The following LYSMD2 variants were observed in gnomAD, a reference collection of about 807,000 sequenced individuals.
The protein encoded by LYSMD2 is LysM domain containing 2, also known as lysM and putative peptidoglycan-binding domain-containing protein 2.
A neutral mutation model predicts 17.7 loss-of-function variants in LYSMD2; 6 were observed. The ratio of observed to expected loss-of-function variants is 0.34; its 90% CI spans 0.19 to 0.67. LYSMD2 has a LOEUF of 0.67. Among genes scored for constraint, LYSMD2 ranks in the 30% least tolerant of loss-of-function variants. LYSMD2 has a pLI of 0.69. For missense variants in LYSMD2, 237 were observed against 286.7 expected (o/e 0.83, Z 1.25); for synonymous variants, 102 against 129.8 (o/e 0.79, Z 1.45).
In LYSMD2 at chr15:51,737,177, G is replaced by A. The variant is rs534468678; in HGVS notation, c.273+173C>T. Among the ~76,000 whole-genome samples the A allele has an allele frequency of 2.1e-3, 323 of 152,236 alleles. 2 individuals carry two copies. The highest frequency in any genetic ancestry group is 2.1e-3 in the East Asian group (11 of 5,160). ...CGACCACTGCGGTGGCCAGCAGCGC[G>A]CGCTGAGCGAGCCCTGGGAGCCGAG... is the stretch of plus-strand genomic sequence containing the variant. On this transcript the variant is annotated intron_variant, in intron 1 of 2. Transcript: ENST00000267838. The surrounding 1 kb of genome is among the most constrained non-coding windows in gnomAD (Gnocchi z 4.2).
rs1044611870 is a variant in LYSMD2 at position 51,737,272 on chromosome 15, A to G, written c.273+78T>C. 197 of 68,998 alleles carry G rather than the reference A, an allele frequency of 2.9e-3. No homozygotes were observed. The highest frequency in any genetic ancestry group is 3.5e-3 in the Non-Finnish European group (173 of 49,664). 4.3% of individuals were successfully genotyped at this position (68,998 alleles called of 1,614,324 possible). Reference sequence around the variant, plus strand: ...AACCCCCACCCGCAGTCCCACCCCCACCCCCACCGCACCCCGAGCCGCACC... The same window carrying G: ...AACCCCCACCCGCAGTCCCACCCCCGCCCCCACCGCACCCCGAGCCGCACC... On this transcript the variant is annotated intron_variant, in intron 1 of 2. Transcript: ENST00000267838. The surrounding 1 kb of genome is among the most constrained non-coding windows in gnomAD (Gnocchi z 4.2).
At chr15:51,740,575 A>G (rs1225225705), upstream of LYSMD2, among the ~76,000 whole-genome samples, 1 of 141,048 alleles carries the variant, frequency 7.1e-6, no homozygotes, top group Non-Finnish European at 1.5e-5. Flanking sequence ...ATAGTAGGCA[A>G]TACTAAAATG....
In LYSMD2 at chr15:51,723,405, T is replaced by TTAA; in HGVS notation, c.*201_*202insTTA. 4.0e-6 allele frequency: 2 copies of TTAA among 503,460 alleles called. No homozygotes were observed. The highest frequency in any genetic ancestry group is 7.1e-6 in the Non-Finnish European group (2 of 282,910). The allele number at this position is 503,460 out of a possible 1,614,324, so 31.2% of individuals were successfully genotyped here. ...GCTTTAGGCTACAACCTTGCCATCA[T>TTAA]GCCATAATAAAGACTTAAAATTATA... On this transcript the variant is annotated 3_prime_UTR_variant, in exon 3 of 3. Transcript: ENST00000267838.
intron 1 of LYSMD2, among the ~76,000 whole-genome samples, chr15:51,747,418 G>T (rs181990978): frequency 1.3e-5 from 2 of 152,120 alleles, no homozygotes; most frequent in Admixed American, 6.6e-5. Flanking sequence ...TTGAACCCAG[G>T]GGGTGGAGGC....
chr15:51,725,206 T>G (rs1340916967), intron 1 of LYSMD2, 85 bp from the exon 2 acceptor site: 2 of 830,714 alleles, frequency 2.4e-6, no homozygotes, highest in Non-Finnish European at 3.7e-6. Flanking sequence ...CTACCAATAT[T>G]CATAAGCAAA....
chr15:51,735,463 CA>C lies in LYSMD2; in HGVS notation c.273+1886del, dbSNP rs563760482. On this transcript the variant is annotated intron_variant, in intron 1 of 2. Transcript: ENST00000267838. ...AGATGCTGCTAAATATTCTACACTG[CA>C]CAGGACAACCCCGTGCAACAAAGAG... Among the ~76,000 whole-genome samples, 768 of 152,318 alleles carry C rather than the reference CA, an allele frequency of 5.0e-3. 2 individuals are homozygous for C. Among genetic ancestry groups the C allele is most frequent in the Non-Finnish European group, 8.2e-3 (561 of 68,024 alleles).
At chr15:51,728,307 TACTCG>T (rs2055553348) in intron 1 of LYSMD2, among the ~76,000 whole-genome samples, 1 of 151,378 alleles carries the variant, frequency 6.6e-6, no homozygotes, top group African/African-American at 2.4e-5. Context: ...TAATTCCAGC[TACTCG>T]GGAGCCTGAG....
chr15:51,735,882 C>T (rs1567229166), intron 1 of LYSMD2, among the ~76,000 whole-genome samples: 1 of 152,166 alleles, frequency 6.6e-6, no homozygotes, highest in Non-Finnish European at 1.5e-5. Flanking sequence ...TGTCACTAGC[C>T]TAGTAAGGCA....
intron 1 of LYSMD2, among the ~76,000 whole-genome samples, chr15:51,730,625 G>A (rs1595849625): frequency 6.6e-6 from 1 of 152,178 alleles, no homozygotes; most frequent in African/African-American, 2.4e-5. Flanking sequence ...GTAAGGTCAA[G>A]AACTCTTCCC....
At chr15:51,748,166 A>C (rs7180093) in intron 1 of LYSMD2, among the ~76,000 whole-genome samples, 11,150 of 146,236 alleles carry the variant, frequency 0.076, 518 homozygotes, top group East Asian at 0.11. Flanking sequence ...GCTACTCAGG[A>C]GGCTGAGGCA....
At chr15:51,736,075 C>A (rs890372054) in intron 1 of LYSMD2, among the ~76,000 whole-genome samples, 3 of 152,204 alleles carry the variant, frequency 2.0e-5, no homozygotes, top group African/African-American at 4.8e-5. Flanking sequence ...TGGAAAATAT[C>A]CTTACCTCTC....
At chr15:51,732,877 C>G (rs1432412017) in intron 1 of LYSMD2, among the ~76,000 whole-genome samples, 1 of 152,266 alleles carries the variant, frequency 6.6e-6, no homozygotes, top group East Asian at 1.9e-4. Context: ...ACCATCTTAT[C>G]TGGTTTCCTT....
At chr15:51,729,887 C>T (rs950944478) in intron 1 of LYSMD2, among the ~76,000 whole-genome samples, 3 of 152,204 alleles carry the variant, frequency 2.0e-5, no homozygotes, top group Non-Finnish European at 4.4e-5. Context: ...ATAGCTTTCC[C>T]ACCTACCCTC....
chr15:51,737,248 A>AC lies in LYSMD2; in HGVS notation c.273+101dup, dbSNP rs1171880345. The stretch of plus-strand genomic sequence containing the variant: ...GTCCCTGCGACTCCCCATCCCCCAA[A>AC]CCCCCACCCGCAGTCCCACCCCCAC... On this transcript the variant is annotated intron_variant, in intron 1 of 2. Transcript: ENST00000267838. The surrounding 1 kb of genome is among the most constrained non-coding windows in gnomAD (Gnocchi z 4.2). 3.9e-5 allele frequency: 10 copies of AC among 256,412 alleles called. No homozygotes were observed. The highest frequency in any genetic ancestry group is 1.1e-4 in the South Asian group (1 of 9,330). 15.9% of individuals were successfully genotyped at this position (256,412 alleles called of 1,614,324 possible).
At chr15:51,747,017 TAAAAAAAAAAAAA>T (rs1050919768) in intron 1 of LYSMD2, among the ~76,000 whole-genome samples, 48 of 65,796 alleles carry the variant, frequency 7.3e-4, no homozygotes, top group African/African-American at 2.6e-3. Flanking sequence ...CTGTCTCTAC[TAAAAAAAAAAAAA>T]AAAAAAAAAA....
chr15:51,727,669 T>C (rs1294199931), intron 1 of LYSMD2, among the ~76,000 whole-genome samples: 1 of 152,196 alleles, frequency 6.6e-6, no homozygotes, highest in East Asian at 1.9e-4. Flanking sequence ...TCAGAGGCTG[T>C]GTGCAGTCAG....
chr15:51,738,039 G>GA (rs548696179), upstream of LYSMD2: 188 of 138,262 alleles, frequency 1.4e-3, no homozygotes, highest in South Asian at 3.9e-3. Context: ...TGGCCACGGC[G>GA]AAAAAAAAAA....
At chr15:51,727,281 G>A (rs2055546215) in intron 1 of LYSMD2, among the ~76,000 whole-genome samples, 1 of 152,144 alleles carries the variant, frequency 6.6e-6, no homozygotes, top group African/African-American at 2.4e-5. Context: ...CCTTGTCCTT[G>A]GAATTCCAGT....
intron 1 of LYSMD2, among the ~76,000 whole-genome samples, chr15:51,750,582 A>G (rs2055693723): frequency 1.3e-5 from 2 of 152,248 alleles, no homozygotes; most frequent in African/African-American, 4.8e-5. Context: ...GATAAGTCCC[A>G]TAAGCAAAGG....
Sources: gnomAD v4.1 joint callset for allele counts (sites outside exome capture counted in the v4.1 genomes callset) on GRCh38, gnomAD v4.1.1 for gene constraint, Gnocchi (gnomAD v3.1) non-coding constraint, MANE v1.5 for transcripts, NCBI Gene and HGNC (gene_info 2026-07-23, HGNC 2026-07-21) for gene names.